The following GRIK4 variants were observed in gnomAD, a reference collection of about 807,000 sequenced individuals.
GRIK4 encodes glutamate receptor ionotropic, kainate 4.
Under a neutral mutation model 104.9 loss-of-function variants are expected in GRIK4, and 40 were observed. The ratio of observed to expected loss-of-function variants is 0.38; its 90% CI spans 0.30 to 0.50. The LOEUF is 0.50. Among genes scored for constraint, GRIK4 ranks in the 20% least tolerant of loss-of-function variants. The pLI is 0.93. For missense variants in GRIK4, 1,047 were observed against 1,308.1 expected, an observed-to-expected ratio of 0.80 and a Z score of 3.08; for synonymous variants, 485 against 524.9, an observed-to-expected ratio of 0.92 and a Z score of 1.04.
intron 13 of GRIK4, among the ~76,000 whole-genome samples, chr11:120,914,641 G>A (rs1943068526): frequency 6.6e-6 from 1 of 152,200 alleles, no homozygotes; most frequent in African/African-American, 2.4e-5. Context: ...AGCCAAGCAT[G>A]AGAGGGGGTG....
intron 2 of GRIK4, among the ~76,000 whole-genome samples, chr11:120,657,924 C>T (rs564472060): frequency 2.0e-5 from 3 of 152,334 alleles, no homozygotes; most frequent in South Asian, 2.1e-4. Flanking sequence ...CAACACTCAG[C>T]GTGAAAACCA....
chr11:120,917,269 A>AAAAAAG (rs1463389337), intron 13 of GRIK4, among the ~76,000 whole-genome samples: 25 of 138,364 alleles, frequency 1.8e-4, no homozygotes, highest in African/African-American at 2.4e-4. Context: ...AAAAAAAAAA[A>AAAAAAG]AAAGAAAGAA....
intron 11 of GRIK4, among the ~76,000 whole-genome samples, chr11:120,888,166 A>G (rs1955174220): frequency 6.6e-6 from 1 of 152,220 alleles, no homozygotes; most frequent in African/African-American, 2.4e-5. Context: ...CGCTTGTGGC[A>G]AATGCCAATG....
intron 8 of GRIK4, among the ~76,000 whole-genome samples, chr11:120,849,692 A>G (rs979407106): frequency 7.2e-5 from 11 of 152,224 alleles, no homozygotes; most frequent in African/African-American, 2.2e-4. Flanking sequence ...TCTTCACTCA[A>G]TAAGTGGCAG....
intron 14 of GRIK4, among the ~76,000 whole-genome samples, chr11:120,947,986 A>G (rs1943903740): frequency 2.0e-5 from 3 of 152,236 alleles, no homozygotes; most frequent in South Asian, 4.2e-4. Flanking sequence ...CTTTACGTGG[A>G]TAGGAATTAA....
rs868052706 is a variant in GRIK4 at position 120,554,493 on chromosome 11, T to G, written c.-159+42606T>G. ...CCCCAAACTGGTGAGTGGTATGAAG[T>G]CAAGGGGAGAGGTTTGGCTTCCTTT... On this transcript the variant is annotated intron_variant, in intron 1 of 20. Transcript: ENST00000527524. Among the ~76,000 whole-genome samples, 4 of 152,250 alleles carry G rather than the reference T, an allele frequency of 2.6e-5. 1 individual carries two copies. The Middle Eastern group carries it at 0.014, about 518-fold the overall frequency.
rs903557741 is a variant in GRIK4 at position 120,804,329 on chromosome 11, G to T, written c.247+1472G>T. On this transcript the variant is annotated intron_variant, in intron 4 of 20. Coordinates refer to ENST00000527524, the MANE Select transcript of GRIK4 (RefSeq NM_014619.5). ...ATCCAGCAAAGCTCCAGCCTGGGCT[G>T]TTAGGGTTTCAAGAAAATCAGTACA... 7.2e-5 allele frequency among the ~76,000 whole-genome samples: 11 copies of T among 152,344 alleles called. No homozygotes were observed. In the East Asian group the frequency reaches 2.1e-3, roughly 29 times the overall value.
At chr11:120,932,030 T>C (rs1032020937) in intron 13 of GRIK4, among the ~76,000 whole-genome samples, 4 of 152,166 alleles carry the variant, frequency 2.6e-5, no homozygotes, top group African/African-American at 4.8e-5. Context: ...TCCCTCCTGT[T>C]CAGGCAGCTG....
Position 120,898,584 on chromosome 11 carries a change from C to A in GRIK4, c.1217C>A (p.Ala406Asp). 1 of 1,613,138 alleles carries A rather than the reference C, an allele frequency of 6.2e-7. No individual in the cohort carries two copies. Among genetic ancestry groups the A allele is most frequent in the Middle Eastern group, 1.7e-4 (1 of 6,060 alleles). ...EGLSMDSHLYASNISDTLFNT... is the reference protein window; with the variant it reads ...EGLSMDSHLYDSNISDTLFNT... ...CTCAGCATGGACAGCCACCTCTATG[C>A]CTCCAACATCTCGGACACTCTCTTC... is the stretch of plus-strand genomic sequence containing the variant. Residue 406 changes from alanine (A) to aspartate (D), a missense_variant, in exon 12 of 21, where the codon GCC becomes GAC. By Grantham distance (126) the Ala-to-Asp change is moderately radical (BLOSUM62 -2). Around this residue, in one of 3 missense-constraint regions of GRIK4, gnomAD observed 440 missense variants for 652.3 expected, o/e 0.67. Transcript: ENST00000527524.
At chr11:120,915,586 C>T (rs771344949) in intron 13 of GRIK4, among the ~76,000 whole-genome samples, 14 of 152,142 alleles carry the variant, frequency 9.2e-5, no homozygotes, top group Admixed American at 3.3e-4. Flanking sequence ...GCCCTACCTG[C>T]GCTCGGTGGA....
Position 120,549,496 on chromosome 11 carries a change from C to G in GRIK4, c.-159+37609C>G, listed in dbSNP as rs1016416147. Among the ~76,000 whole-genome samples, 2 of 152,216 alleles carry G rather than the reference C, an allele frequency of 1.3e-5. No individual in the cohort carries two copies. Among genetic ancestry groups the G allele is most frequent in the Non-Finnish European group, 2.9e-5 (2 of 68,044 alleles). On this transcript the variant is annotated intron_variant, in intron 1 of 20. Coordinates refer to ENST00000527524, the MANE Select transcript of GRIK4 (RefSeq NM_014619.5). The surrounding 1 kb of genome is among the most constrained non-coding windows in gnomAD (Gnocchi z 4.7). ...CACACTAACAAACAAGGAGTGAGCC[C>G]TTCACGGGGGGCTGCAGTGGCACCT... is the stretch of plus-strand genomic sequence containing the variant.
At chr11:120,762,197 A>T in intron 3 of GRIK4, among the ~76,000 whole-genome samples, 1 of 152,066 alleles carries the variant, frequency 6.6e-6, no homozygotes, top group Admixed American at 6.6e-5. Context: ...TATTCTCTTT[A>T]TAGCAATTGT....
intron 3 of GRIK4, among the ~76,000 whole-genome samples, chr11:120,798,276 A>G (rs1316010988): frequency 7.4e-6 from 1 of 134,614 alleles, no homozygotes; most frequent in Non-Finnish European, 1.5e-5. Context: ...TTCCTGCCTT[A>G]GTCTCCCGAG....
At chr11:120,631,587 C>T (rs115660821) in intron 1 of GRIK4, among the ~76,000 whole-genome samples, 194 of 152,292 alleles carry the variant, frequency 1.3e-3, no homozygotes, top group African/African-American at 4.2e-3. Context: ...ACAAAAGTCT[C>T]ACCCAGGAGT....
chr11:120,814,537 T>C (rs578081419), intron 4 of GRIK4, among the ~76,000 whole-genome samples: 1 of 152,250 alleles, frequency 6.6e-6, no homozygotes, highest in Non-Finnish European at 1.5e-5. Flanking sequence ...GAGGTTGCAG[T>C]GAGCCGAGAT....
chr11:120,774,394 A>G (rs1005113781), intron 3 of GRIK4, among the ~76,000 whole-genome samples: 1 of 152,178 alleles, frequency 6.6e-6, no homozygotes, highest in East Asian at 1.9e-4. Context: ...ATTGGCTCAC[A>G]TGGTTATGGA....
At chr11:120,941,340 C>T (rs1232184836) in intron 14 of GRIK4, among the ~76,000 whole-genome samples, 2 of 152,122 alleles carry the variant, frequency 1.3e-5, no homozygotes, top group Admixed American at 1.3e-4. Flanking sequence ...AGGGTAGAGA[C>T]CAAGAGATCA....
At chr11:120,837,731 T>C (rs1424479314) in intron 8 of GRIK4, among the ~76,000 whole-genome samples, 1 of 151,616 alleles carries the variant, frequency 6.6e-6, no homozygotes, top group Non-Finnish European at 1.5e-5. Flanking sequence ...AGCATTAATA[T>C]GTAAAAAGGG....
intron 1 of GRIK4, among the ~76,000 whole-genome samples, chr11:120,515,636 C>T (rs920631415): frequency 6.6e-6 from 1 of 152,258 alleles, no homozygotes; most frequent in Non-Finnish European, 1.5e-5. Context: ...CTTTGCCTGA[C>T]ACCTTTTCAC....
Sources: allele counts gnomAD v4.1 joint callset (sites outside exome capture counted in the v4.1 genomes callset), GRCh38; gene constraint gnomAD v4.1.1; regional missense constraint gnomAD v4.1.1; non-coding constraint Gnocchi (gnomAD v3.1); transcripts MANE v1.5; gene names NCBI Gene and HGNC (gene_info 2026-07-23, HGNC 2026-07-21).